AGPS: variants seen among roughly 807,000 people sequenced by gnomAD.
AGPS encodes the protein alkylglycerone phosphate synthase, also known as alkyldihydroxyacetonephosphate synthase, peroxisomal.
A neutral mutation model predicts 90.7 loss-of-function variants in AGPS; 26 were observed. That is an observed-to-expected ratio of 0.29 (90% confidence interval 0.21 to 0.40). AGPS has a LOEUF of 0.40. Ranked by LOEUF, AGPS falls within the 10% of genes least tolerant of loss-of-function variation. AGPS has a pLI of 1.00. For synonymous variants in AGPS, 294 were observed against 285.3 expected (o/e 1.03, Z -0.31); for missense variants, 540 against 816.1 (o/e 0.66, Z 4.12).
chr2:177,458,659 T>C (rs191917851), intron 8 of AGPS, among the ~76,000 whole-genome samples: 58 of 152,240 alleles, frequency 3.8e-4, no homozygotes, highest in Non-Finnish European at 5.9e-4. Context: ...AAACTGCTGC[T>C]CAAGGAAATA....
chr2:177,507,698 T>C (rs968792329), intron 15 of AGPS, among the ~76,000 whole-genome samples: 2 of 152,232 alleles, frequency 1.3e-5, no homozygotes, highest in Admixed American at 1.3e-4. Context: ...CTCCATTCAC[T>C]AAAGAAATAA....
At chr2:177,485,253 C>A (rs1688061639) in intron 11 of AGPS, among the ~76,000 whole-genome samples, 1 of 152,128 alleles carries the variant, frequency 6.6e-6, no homozygotes, top group Admixed American at 6.5e-5. Flanking sequence ...TAGATGTGTG[C>A]ATATTTTGTT....
chr2:177,432,974 C>T (rs1686288376), intron 2 of AGPS, among the ~76,000 whole-genome samples: 1 of 152,178 alleles, frequency 6.6e-6, no homozygotes, highest in African/African-American at 2.4e-5. Context: ...ACACTTCTCT[C>T]CCTTCCCCCA....
intron 2 of AGPS, among the ~76,000 whole-genome samples, chr2:177,430,003 C>G (rs930694300): frequency 1.3e-5 from 2 of 152,174 alleles, no homozygotes; most frequent in African/African-American, 4.8e-5. Context: ...GCTGAAATTC[C>G]CACAGGGAGT....
chr2:177,531,927 GGGCGGGGGGAA>G (rs1209946550), intron 19 of AGPS, among the ~76,000 whole-genome samples: 2 of 151,802 alleles, frequency 1.3e-5, no homozygotes, highest in Non-Finnish European at 2.9e-5. Context: ...TGGGCGGAGG[GGGCGGGGGGAA>G]GAACTCTGAC....
intron 13 of AGPS, among the ~76,000 whole-genome samples, chr2:177,498,066 A>G (rs549355456): frequency 3.3e-5 from 5 of 151,876 alleles, no homozygotes; most frequent in Non-Finnish European, 3.0e-5. Context: ...GTGAAATAAG[A>G]GTGTGGATTT....
At chr2:177,396,426 T>C (rs1377512815) in intron 1 of AGPS, among the ~76,000 whole-genome samples, 4 of 152,214 alleles carry the variant, frequency 2.6e-5, no homozygotes, top group South Asian at 2.1e-4. Context: ...ACAACTAATA[T>C]AGTATGTCAG....
intron 3 of AGPS, among the ~76,000 whole-genome samples, chr2:177,434,997 G>GGGTATATATA (rs36151985): frequency 0.064 from 8,177 of 127,800 alleles, 395 homozygotes; most frequent in Admixed American, 0.068. Context: ...TAAACTGTAG[G>GGGTATATATA]TATATATATA....
intron 1 of AGPS, among the ~76,000 whole-genome samples, chr2:177,400,900 T>C (rs1427135934): frequency 1.3e-5 from 2 of 152,232 alleles, no homozygotes; most frequent in African/African-American, 4.8e-5. Flanking sequence ...TTTTACATTT[T>C]TTCTAAAGGT....
chr2:177,446,174 G>A (rs150499899), intron 8 of AGPS, among the ~76,000 whole-genome samples: 42 of 150,792 alleles, frequency 2.8e-4, no homozygotes, highest in African/African-American at 9.8e-4. Flanking sequence ...TTTTTTTTGA[G>A]ACGGAGTCTC....
chr2:177,458,525 C>T (rs1008432753), intron 8 of AGPS, among the ~76,000 whole-genome samples: 1 of 152,002 alleles, frequency 6.6e-6, no homozygotes. Flanking sequence ...ACAAGCATTC[C>T]TATACACCAA....
chr2:177,542,055 A>G lies in AGPS; in HGVS notation c.*3860A>G, dbSNP rs2079241694. 6.6e-6 allele frequency: 1 copy of G among 151,990 alleles called. No homozygotes were observed. The highest frequency in any genetic ancestry group is 1.5e-5 in the Non-Finnish European group (1 of 67,968). 9.4% of individuals were successfully genotyped at this position (151,990 alleles called of 1,614,324 possible). ...CTGGGTCTAATATTTTTTTTCTTCA[A>G]AGGGAGTGTGAAGCTGTTTATTCTT... On this transcript the variant is annotated 3_prime_UTR_variant, in exon 20 of 20. Coordinates refer to ENST00000264167, the MANE Select transcript of AGPS (RefSeq NM_003659.4).
intron 19 of AGPS, among the ~76,000 whole-genome samples, chr2:177,535,902 C>T (rs2079179706): frequency 6.8e-6 from 1 of 146,548 alleles, no homozygotes; most frequent in African/African-American, 2.5e-5. Context: ...CCGTACTGCC[C>T]TTTTTTTTTT....
At chr2:177,474,203 CCTGT>C (rs1160792736) in intron 10 of AGPS, among the ~76,000 whole-genome samples, 1 of 152,086 alleles carries the variant, frequency 6.6e-6, no homozygotes, top group African/African-American at 2.4e-5. Flanking sequence ...GCCTCCTATC[CCTGT>C]CTTACAGGCA....
chr2:177,454,001 T>G (rs377054139), intron 8 of AGPS, among the ~76,000 whole-genome samples: 3 of 149,460 alleles, frequency 2.0e-5, no homozygotes, highest in African/African-American at 7.3e-5. Context: ...CTGGCTACTT[T>G]TAAGATTTTC....
At chr2:177,502,826 T>C (rs1688600378) in intron 14 of AGPS, among the ~76,000 whole-genome samples, 1 of 152,060 alleles carries the variant, frequency 6.6e-6, no homozygotes, top group African/African-American at 2.4e-5. Context: ...AATTTTTTGT[T>C]CTAATCACTG....
chr2:177,493,100 T>A, intron 11 of AGPS, 48 bp from the exon 12 acceptor site: 1 of 1,489,270 alleles, frequency 6.7e-7, no homozygotes, highest in Non-Finnish European at 9.3e-7. Flanking sequence ...CTGTCTAGCT[T>A]CTTACTGTAT....
At chr2:177,459,595 A>G (rs1349222337) in intron 8 of AGPS, among the ~76,000 whole-genome samples, 1 of 152,258 alleles carries the variant, frequency 6.6e-6, no homozygotes, top group Non-Finnish European at 1.5e-5. Context: ...TATTAGCGAA[A>G]TGCAAATCAA....
At chr2:177,419,516 CT>C (rs2092529396) in intron 1 of AGPS, among the ~76,000 whole-genome samples, 2 of 151,780 alleles carry the variant, frequency 1.3e-5, no homozygotes, top group South Asian at 4.1e-4. Flanking sequence ...AGGTCCAGAC[CT>C]ATCTATTCTT....
Sources: gnomAD v4.1 joint callset for allele counts (sites outside exome capture counted in the v4.1 genomes callset) on GRCh38, gnomAD v4.1.1 for gene constraint, MANE v1.5 for transcripts, NCBI Gene and HGNC (gene_info 2026-07-23, HGNC 2026-07-21) for gene names.